DNAJA2: variants seen among roughly 807,000 people sequenced by gnomAD.
DNAJA2 encodes the protein DnaJ heat shock protein family (Hsp40) member A2, also known as dnaJ homolog subfamily A member 2.
A neutral mutation model predicts 49.3 loss-of-function variants in DNAJA2; 6 were observed. That is an observed-to-expected ratio of 0.12 (90% CI 0.07 to 0.24). The LOEUF (loss-of-function observed/expected upper bound fraction) is 0.24, where lower values mean the gene tolerates loss of function less well. Ranked by LOEUF, DNAJA2 falls within the 10% of genes least tolerant of loss-of-function variation. DNAJA2 has a pLI of 1.00. For missense variants in DNAJA2, 347 were observed against 516.8 expected (o/e 0.67, Z 3.19); for synonymous variants, 160 against 172.7 (o/e 0.93, Z 0.58).
In DNAJA2 at chr16:46,959,342, G is replaced by A; in HGVS notation, c.852C>T (p.Phe284=). The A allele has an allele frequency of 6.2e-7, 1 of 1,613,978 alleles. No homozygotes were observed. Among genetic ancestry groups the A allele is most frequent in the Non-Finnish European group, 8.5e-7 (1 of 1,179,936 alleles). Residue 284 remains phenylalanine, a synonymous_variant, in exon 7 of 9, where the codon TTC becomes TTT. Coordinates refer to ENST00000317089, the MANE Select transcript of DNAJA2 (RefSeq NM_005880.4). ...GLVEALCGFQ[F]TFKHLDGRQI... ...GACGTCCATCAAGGTGCTTAAATGT[G>A]AACTGAAATCCACATAGAGCTTCAA...
Position 46,956,922 on chromosome 16 carries a change from G to C in DNAJA2, c.*107C>G. The C allele has an allele frequency of 8.0e-7, 1 of 1,242,790 alleles. No homozygotes were observed. The highest frequency in any genetic ancestry group is 1.5e-5 in the African/African-American group (1 of 67,636). The allele number at this position is 1,242,790 out of a possible 1,614,324, so 77.0% of individuals were successfully genotyped here. ...TTTAAAAGTTATACATAGACCAACA[G>C]ATGTCCCTCAGTTCATCTGGATTGA... On this transcript the variant is annotated 3_prime_UTR_variant, in exon 9 of 9. Transcript: ENST00000317089.
intron 1 of DNAJA2, among the ~76,000 whole-genome samples, chr16:46,973,110 C>T (rs933812994): frequency 1.3e-5 from 2 of 152,100 alleles, no homozygotes; most frequent in Non-Finnish European, 2.9e-5. Context: ...GGCCGGGATG[C>T]GCTGAGCACC....
intron 8 of DNAJA2, chr16:46,958,713 G>T (rs930963174): frequency 2.6e-4 from 71 of 273,706 alleles, no homozygotes; most frequent in African/African-American, 1.5e-3. Context: ...TGGGAGGCGG[G>T]GGGTACAGTG....
intron 5 of DNAJA2, 58 bp from the exon 6 acceptor site, chr16:46,964,865 C>T (rs566468712): frequency 5.3e-6 from 7 of 1,332,312 alleles, no homozygotes; most frequent in South Asian, 2.9e-5. Flanking sequence ...CTCTTAATAC[C>T]CTTATTCTTT....
At position 46,967,610 on chromosome 16, in the gene DNAJA2, A is replaced by G; in HGVS notation, c.480T>C (p.Ser160=). 1 of 1,614,174 alleles carries G rather than the reference A, an allele frequency of 6.2e-7. No individual in the cohort carries two copies. Among genetic ancestry groups the G allele is most frequent in the African/African-American group, 1.3e-5 (1 of 75,032 alleles). The stretch of plus-strand genomic sequence containing the variant: ...TGCGCACACCTCGACCTCGACAAGC[A>G]CTACACTTTTGGACAGCTCCAGACT... ...GGKSGAVQKC[S]ACRGRGVRIM... The change falls in exon 5 of 9, where the codon AGT becomes AGC. Residue 160 remains serine (S), a synonymous_variant. Transcript: ENST00000317089.
At chr16:46,965,596 G>A (rs914912851) in intron 5 of DNAJA2, among the ~76,000 whole-genome samples, 2 of 148,652 alleles carry the variant, frequency 1.3e-5, no homozygotes, top group South Asian at 2.2e-4. Flanking sequence ...TTTGGGAGGC[G>A]AAGGCGGGAG....
intron 6 of DNAJA2, among the ~76,000 whole-genome samples, chr16:46,960,640 G>A (rs1961883054): frequency 6.6e-6 from 1 of 152,088 alleles, no homozygotes; most frequent in Admixed American, 6.5e-5. Context: ...TTAGCCAGGT[G>A]TGGTGGCACG....
chr16:46,971,268 T>C (rs1475764467), intron 3 of DNAJA2, 81 bp downstream of exon 3: 3 of 1,243,718 alleles, frequency 2.4e-6, no homozygotes, highest in Middle Eastern at 1.9e-4. Context: ...GAACACTCTA[T>C]GAGATTTTTC....
In DNAJA2 at chr16:46,973,669, G is replaced by A. The variant is rs1181725531; in HGVS notation, c.-97C>T. On this transcript the variant is annotated 5_prime_UTR_variant, in exon 1 of 9. Transcript: ENST00000317089. ...GTCGGCGGCGGCACAGGCCGAGGGAGACAGCGAGGGGGAAGCGGGGGCGGG... is the reference window on the plus strand; with the variant it reads ...GTCGGCGGCGGCACAGGCCGAGGGAAACAGCGAGGGGGAAGCGGGGGCGGG... 5.4e-6 allele frequency: 7 copies of A among 1,297,040 alleles called. No homozygotes were observed. Among genetic ancestry groups the A allele is most frequent in the Middle Eastern group, 1.9e-4 (1 of 5,268 alleles). 80.3% of individuals were successfully genotyped at this position (1,297,040 alleles called of 1,614,324 possible). A position where few individuals can be genotyped will look rare whatever the true frequency, so the allele number is the denominator to read the frequency against.
Position 46,971,884 on chromosome 16 carries a change from C to A in DNAJA2, c.138+12G>T. 6.2e-7 allele frequency: 1 copy of A among 1,605,892 alleles called. No homozygotes were observed. The highest frequency in any genetic ancestry group is 8.5e-7 in the Non-Finnish European group (1 of 1,173,130). On this transcript the variant is annotated intron_variant, in intron 2 of 8. Coordinates refer to ENST00000317089, the MANE Select transcript of DNAJA2 (RefSeq NM_005880.4). ...TAAAACCCCCGGAATAAAAAAGGTGCAAATAACTTACTTTGTCTCCTGCAT... is the reference window on the plus strand; with the variant it reads ...TAAAACCCCCGGAATAAAAAAGGTGAAAATAACTTACTTTGTCTCCTGCAT...
Position 46,956,263 on chromosome 16 carries a change from G to C in DNAJA2, c.*766C>G, listed in dbSNP as rs2143635842. On this transcript the variant is annotated 3_prime_UTR_variant, in exon 9 of 9. Coordinates refer to ENST00000317089, the MANE Select transcript of DNAJA2 (RefSeq NM_005880.4). ...AGCCTTTTGTCTTCCAAGACTATAAGATGGGCATAGGCCTGAGATATAAGC... is the reference window on the plus strand; with the variant it reads ...AGCCTTTTGTCTTCCAAGACTATAACATGGGCATAGGCCTGAGATATAAGC... The C allele has an allele frequency of 6.6e-6, 1 of 152,236 alleles. No homozygotes were observed. The highest frequency in any genetic ancestry group is 1.9e-4 in the East Asian group (1 of 5,178). The allele number at this position is 152,236 out of a possible 1,614,324, so 9.4% of individuals were successfully genotyped here.
intron 6 of DNAJA2, among the ~76,000 whole-genome samples, chr16:46,963,897 C>T (rs1367390987): frequency 6.6e-6 from 1 of 152,176 alleles, no homozygotes; most frequent in East Asian, 1.9e-4. Context: ...GTCCAACACC[C>T]AGTGCCCTTA....
Position 46,956,853 on chromosome 16 carries a change from T to C in DNAJA2, c.*176A>G, listed in dbSNP as rs542651256. 1.9e-4 allele frequency: 131 copies of C among 681,580 alleles called. No homozygotes were observed. The highest frequency in any genetic ancestry group is 3.0e-4 in the Non-Finnish European group (119 of 395,484). The allele number at this position is 681,580 out of a possible 1,614,324, so 42.2% of individuals were successfully genotyped here. A position where few individuals can be genotyped will look rare whatever the true frequency, so the allele number is the denominator to read the frequency against. On this transcript the variant is annotated 3_prime_UTR_variant, in exon 9 of 9. Coordinates refer to ENST00000317089, the MANE Select transcript of DNAJA2 (RefSeq NM_005880.4). ...ACAGTCAAAATGAAGATGTAAAGCT[T>C]TGTGGTTAGTTTAAATTATACACTC...
intron 4 of DNAJA2, 70 bp downstream of exon 4, chr16:46,968,014 G>C: frequency 7.3e-7 from 1 of 1,368,662 alleles, no homozygotes; most frequent in Non-Finnish European, 1.0e-6. Flanking sequence ...TTTTTACGTG[G>C]TACAGACATT....
At position 46,971,917 on chromosome 16, in the gene DNAJA2, C is replaced by T. The variant is rs368756117; in HGVS notation, c.117G>A (p.Lys39=). Residue 39 remains lysine (K), a synonymous_variant, in exon 2 of 9, where the codon AAG becomes AAA. Transcript: ENST00000317089. The part of the protein sequence containing the change: ...RKLAKEYHPD[K]NPNAGDKFKE... ...TTACTTTGTCTCCTGCATTTGGATT[C>T]TTATCAGGATGATATTCCTTGGCTA... 1 of 1,612,930 alleles carries T rather than the reference C, an allele frequency of 6.2e-7. No individual in the cohort carries two copies. Among genetic ancestry groups the T allele is most frequent in the African/African-American group, 1.3e-5 (1 of 74,892 alleles).
Position 46,971,378 on chromosome 16 carries a change from T to C in DNAJA2, c.333A>G (p.Arg111=). 6.2e-7 allele frequency: 1 copy of C among 1,613,852 alleles called. No homozygotes were observed. Among genetic ancestry groups the C allele is most frequent in the Non-Finnish European group, 8.5e-7 (1 of 1,179,952 alleles). ...GNQSRSRNGR[R]RGEDMMHPLK... ...GTGGATGCATCATGTCCTCTCCTCTTCTTCTGCCATTTCGACTTCTACTCT... is the reference window on the plus strand; with the variant it reads ...GTGGATGCATCATGTCCTCTCCTCTCCTTCTGCCATTTCGACTTCTACTCT... The change falls in exon 3 of 9, where the codon AGA becomes AGG. Residue 111 remains arginine (R), a synonymous_variant. Coordinates refer to ENST00000317089, the MANE Select transcript of DNAJA2 (RefSeq NM_005880.4).
At chr16:46,958,911 C>A (rs1397292163) in intron 8 of DNAJA2, 92 bp downstream of exon 8, 11 of 1,429,318 alleles carry the variant, frequency 7.7e-6, no homozygotes, top group Non-Finnish European at 1.0e-5. Flanking sequence ...ACCACTACAC[C>A]CCAGCCTGGG....
At chr16:46,960,504 G>C (rs529103256) in intron 6 of DNAJA2, among the ~76,000 whole-genome samples, 1 of 152,210 alleles carries the variant, frequency 6.6e-6, no homozygotes, top group Non-Finnish European at 1.5e-5. Flanking sequence ...AAGTAGGCCA[G>C]GTGCAGTGGC....
intron 1 of DNAJA2, chr16:46,972,820 C>T (rs937474310): frequency 6.6e-6 from 1 of 152,264 alleles, no homozygotes; most frequent in Non-Finnish European, 1.5e-5. Flanking sequence ...TACACTCAGG[C>T]GTTTGGCTGG....
Sources: allele counts gnomAD v4.1 joint callset (sites outside exome capture counted in the v4.1 genomes callset), GRCh38; gene constraint gnomAD v4.1.1; transcripts MANE v1.5; gene names NCBI Gene and HGNC (gene_info 2026-07-23, HGNC 2026-07-21).